The following DGKG variants were observed in gnomAD, a reference collection of about 807,000 sequenced individuals.
The protein encoded by DGKG is diacylglycerol kinase gamma, also known as DAG kinase gamma.
In DGKG, 78 loss-of-function variants were observed where a neutral mutation model predicts 105.3. The ratio of observed to expected loss-of-function variants is 0.74; its 90% CI spans 0.62 to 0.89. DGKG has a LOEUF of 0.89. Ranked by LOEUF, DGKG falls within the 40% of genes least tolerant of loss-of-function variation. The probability of loss-of-function intolerance (pLI) is 0.00; values close to 1 mark genes in which losing one functional copy is unlikely to be tolerated. For synonymous variants in DGKG, 346 were observed against 367.1 expected (o/e 0.94, Z 0.66); for missense variants, 958 against 1,020.1 (o/e 0.94, Z 0.83).
At chr3:186,291,428 A>G (rs1723304932) in intron 5 of DGKG, among the ~76,000 whole-genome samples, 1 of 152,266 alleles carries the variant, frequency 6.6e-6, no homozygotes, top group Non-Finnish European at 1.5e-5. Flanking sequence ...ACTCAACATC[A>G]TTAAAGCACA....
At chr3:186,355,375 A>G (rs1237743177) in intron 1 of DGKG, among the ~76,000 whole-genome samples, 2 of 140,520 alleles carry the variant, frequency 1.4e-5, no homozygotes, top group South Asian at 2.4e-4. Context: ...CATGATCATC[A>G]CCACCACCAC....
chr3:186,323,125 C>T (rs1020221519), intron 1 of DGKG, among the ~76,000 whole-genome samples: 1 of 152,154 alleles, frequency 6.6e-6, no homozygotes, highest in African/African-American at 2.4e-5. Context: ...ACATCTCTCT[C>T]GGTAATAAAA....
chr3:186,178,209 C>A (rs567436794), intron 22 of DGKG, among the ~76,000 whole-genome samples: 7 of 152,136 alleles, frequency 4.6e-5, no homozygotes, highest in African/African-American at 1.4e-4. Flanking sequence ...TATTCTGTTA[C>A]GGAAGCCCAA....
chr3:186,253,018 A>G, intron 18 of DGKG, 75 bp downstream of exon 18: 3 of 1,320,228 alleles, frequency 2.3e-6, no homozygotes, highest in Non-Finnish European at 3.3e-6. Flanking sequence ...GGGTAAGTTC[A>G]GCCTAGCTCT....
chr3:186,263,655 ATTT>A (rs34266987), intron 14 of DGKG, among the ~76,000 whole-genome samples: 1 of 146,610 alleles, frequency 6.8e-6, no homozygotes. Context: ...GTTCATTTGT[ATTT>A]TTTTTTTTTT....
At position 186,302,182 on chromosome 3, in the gene DGKG, C is replaced by A. The variant is rs1035229994; in HGVS notation, c.145-3953G>T. Among the ~76,000 whole-genome samples the A allele has an allele frequency of 2.6e-5, 4 of 152,000 alleles. No homozygotes were observed. The East Asian group carries it at 7.7e-4, about 29-fold the overall frequency. On this transcript the variant is annotated intron_variant, in intron 3 of 24. Transcript: ENST00000265022. ...TTGATATATAGTTGTTTGTGACAGA[C>A]CTTGGTTCCTCTACTCAATCCAGAG...
At chr3:186,199,189 T>C (rs1718327326) in intron 21 of DGKG, among the ~76,000 whole-genome samples, 1 of 152,168 alleles carries the variant, frequency 6.6e-6, no homozygotes, top group South Asian at 2.1e-4. Flanking sequence ...GACCTCGTGA[T>C]CTGCCCACCT....
At chr3:186,251,987 T>G (rs1721249525) in intron 18 of DGKG, 68 bp from the exon 19 acceptor site, 2 of 1,461,600 alleles carry the variant, frequency 1.4e-6, no homozygotes, top group Non-Finnish European at 1.8e-6. Context: ...GCACAGGTAG[T>G]TGTCAGGGCA....
At chr3:186,246,207 G>A (rs1720934020) in intron 19 of DGKG, among the ~76,000 whole-genome samples, 1 of 152,116 alleles carries the variant, frequency 6.6e-6, no homozygotes, top group Non-Finnish European at 1.5e-5. Context: ...CCTGACCTCA[G>A]GTGATCCACC....
At chr3:186,209,093 C>CTT (rs34226259) in intron 21 of DGKG, among the ~76,000 whole-genome samples, 17,023 of 89,226 alleles carry the variant, frequency 0.19, 1,741 homozygotes, top group Non-Finnish European at 0.24. Context: ...GTTTACTCTT[C>CTT]TTTTTTTTTT....
chr3:186,251,011 A>C (rs1721197847), intron 19 of DGKG, among the ~76,000 whole-genome samples: 1 of 151,726 alleles, frequency 6.6e-6, no homozygotes, highest in African/African-American at 2.4e-5. Flanking sequence ...TCCTCTTTGG[A>C]CCAGAAGCTG....
chr3:186,342,046 T>C (rs550347071), intron 1 of DGKG, among the ~76,000 whole-genome samples: 1 of 152,284 alleles, frequency 6.6e-6, no homozygotes, highest in South Asian at 2.1e-4. Flanking sequence ...GGGATAGCAC[T>C]GGGAGATATA....
intron 1 of DGKG, among the ~76,000 whole-genome samples, chr3:186,322,543 A>C (rs1379135613): frequency 1.3e-5 from 2 of 152,140 alleles, no homozygotes; most frequent in Non-Finnish European, 2.9e-5. Context: ...ATTTACCCAT[A>C]TAACAAACCT....
At chr3:186,255,988 T>A (rs1418469138) in intron 17 of DGKG, among the ~76,000 whole-genome samples, 1 of 152,210 alleles carries the variant, frequency 6.6e-6, no homozygotes, top group East Asian at 1.9e-4. Context: ...GCAGCTTCTA[T>A]CACCTGTGTC....
chr3:186,338,041 GT>G (rs1725910845), intron 1 of DGKG, among the ~76,000 whole-genome samples: 1 of 151,656 alleles, frequency 6.6e-6, no homozygotes, highest in Non-Finnish European at 1.5e-5. Flanking sequence ...GTGATGGTGT[GT>G]ACCTGTAGTC....
intron 9 of DGKG, 176 bp downstream of exon 9, chr3:186,279,675 A>C: frequency 1.7e-6 from 1 of 580,070 alleles, no homozygotes; most frequent in Non-Finnish European, 2.9e-6. Flanking sequence ...TGTCAAATGA[A>C]TATACTTCAG....
At chr3:186,277,151 AT>A (rs1722625349) in intron 9 of DGKG, among the ~76,000 whole-genome samples, 1 of 150,442 alleles carries the variant, frequency 6.6e-6, no homozygotes, top group South Asian at 2.1e-4. Context: ...TGATTCATTC[AT>A]TTATTCGTTT....
At chr3:186,197,705 G>C (rs1718252077) in intron 21 of DGKG, among the ~76,000 whole-genome samples, 1 of 152,116 alleles carries the variant, frequency 6.6e-6, no homozygotes, top group Admixed American at 6.5e-5. Context: ...CTGAGGGAGA[G>C]GGTTAGCTGA....
chr3:186,212,132 C>T (rs1324973000), intron 20 of DGKG, among the ~76,000 whole-genome samples: 1 of 152,172 alleles, frequency 6.6e-6, no homozygotes, highest in Non-Finnish European at 1.5e-5. Flanking sequence ...AACTGCTCCC[C>T]GAGTTTCCTG....
Sources: gnomAD v4.1 joint callset for allele counts (sites outside exome capture counted in the v4.1 genomes callset) on GRCh38, gnomAD v4.1.1 for gene constraint, MANE v1.5 for transcripts, NCBI Gene and HGNC (gene_info 2026-07-23, HGNC 2026-07-21) for gene names.